AOAH: variants seen among roughly 807,000 people sequenced by gnomAD.
AOAH encodes acyloxyacyl hydrolase, also known as acyloxyacyl hydrolase (neutrophil).
AOAH carries 64 observed loss-of-function variants against 92.2 expected under a neutral mutation model. The ratio of observed to expected loss-of-function variants is 0.69; its 90% CI spans 0.57 to 0.86. AOAH has a LOEUF of 0.86. AOAH is among the 40% of genes least tolerant of loss of function. The probability of loss-of-function intolerance (pLI) is 0.00; values close to 1 mark genes in which losing one functional copy is unlikely to be tolerated. For missense variants in AOAH, 656 were observed against 694.6 expected, an observed-to-expected ratio of 0.94 and a Z score of 0.62; for synonymous variants, 263 against 254.5, an observed-to-expected ratio of 1.03 and a Z score of -0.32.
chr7:36,587,638 A>T (rs1350123945), intron 12 of AOAH, among the ~76,000 whole-genome samples: 2 of 152,208 alleles, frequency 1.3e-5, no homozygotes, highest in East Asian at 3.8e-4. Context: ...ATATAAAAAA[A>T]TCATTTTTGT....
chr7:36,595,146 T>G (rs2116816257), intron 11 of AOAH, among the ~76,000 whole-genome samples: 1 of 152,356 alleles, frequency 6.6e-6, no homozygotes, highest in African/African-American at 2.4e-5. Flanking sequence ...TATGAGTGAC[T>G]TCTGGGACTA....
intron 3 of AOAH, among the ~76,000 whole-genome samples, chr7:36,660,701 T>C (rs1314829133): frequency 1.3e-5 from 2 of 152,228 alleles, no homozygotes; most frequent in African/African-American, 2.4e-5. Context: ...ACAGTTCTTT[T>C]AAAACATTTA....
rs34744842 is a variant in AOAH at position 36,719,939 on chromosome 7, T to TA, written c.127+4082dup. Among the ~76,000 whole-genome samples, 696 of 143,948 alleles carry TA rather than the reference T, an allele frequency of 4.8e-3. 4 individuals are homozygous for TA. Among genetic ancestry groups the TA allele is most frequent in the African/African-American group, 0.014 (554 of 38,502 alleles). The allele number at this position is 143,948 out of a possible 152,430, so 94.4% of individuals were successfully genotyped here. ...TGATAGAGTAGGACTTTGTCTTTATTAAAAAAAAAAAAAAGATGAATCATT... is the reference window on the plus strand; with the variant it reads ...TGATAGAGTAGGACTTTGTCTTTATTAAAAAAAAAAAAAAAGATGAATCATT... On this transcript the variant is annotated intron_variant, in intron 1 of 20. Transcript: ENST00000617537.
chr7:36,559,721 T>C (rs1176006220), intron 13 of AOAH, among the ~76,000 whole-genome samples: 3 of 152,224 alleles, frequency 2.0e-5, no homozygotes, highest in African/African-American at 4.8e-5. Context: ...TTTCTTTTGC[T>C]GTCCAGAAGC....
chr7:36,587,599 T>C (rs1344900028), intron 12 of AOAH, among the ~76,000 whole-genome samples: 1 of 152,204 alleles, frequency 6.6e-6, no homozygotes, highest in Non-Finnish European at 1.5e-5. Flanking sequence ...TATGAAGATA[T>C]TCCAAATGTT....
intron 18 of AOAH, among the ~76,000 whole-genome samples, chr7:36,531,093 T>A (rs935848393): frequency 1.3e-5 from 2 of 152,296 alleles, no homozygotes; most frequent in East Asian, 3.9e-4. Context: ...GTTACAACAT[T>A]ATGGTGTGGA....
At chr7:36,532,385 A>G in intron 16 of AOAH, 41 bp from the exon 17 acceptor site, 1 of 1,601,958 alleles carries the variant, frequency 6.2e-7, no homozygotes. Context: ...TCCACTCGGC[A>G]ATAGCAGCAT....
intron 11 of AOAH, among the ~76,000 whole-genome samples, chr7:36,596,254 C>T (rs77900570): frequency 0.023 from 3,322 of 141,712 alleles, 71 homozygotes; most frequent in African/African-American, 0.062. Context: ...ACAGTTTATA[C>T]GTGAAATCTA....
At chr7:36,550,500 C>T (rs1786152005) in intron 13 of AOAH, among the ~76,000 whole-genome samples, 2 of 152,148 alleles carry the variant, frequency 1.3e-5, no homozygotes, top group African/African-American at 4.8e-5. Context: ...GAAACTGAGG[C>T]CCACCTAAGT....
At chr7:36,611,897 G>A (rs920686692) in intron 11 of AOAH, among the ~76,000 whole-genome samples, 1 of 152,186 alleles carries the variant, frequency 6.6e-6, no homozygotes, top group Admixed American at 6.5e-5. Context: ...TAAGCGGCTT[G>A]TTCAGGATTA....
intron 11 of AOAH, among the ~76,000 whole-genome samples, chr7:36,600,296 A>G (rs1790455535): frequency 6.6e-6 from 1 of 152,196 alleles, no homozygotes; most frequent in African/African-American, 2.4e-5. Context: ...AATAAAGAAC[A>G]AGTATTCACA....
chr7:36,671,083 C>T (rs188792024), intron 3 of AOAH, among the ~76,000 whole-genome samples: 1 of 152,154 alleles, frequency 6.6e-6, no homozygotes, highest in African/African-American at 2.4e-5. Context: ...TGATCTGGTT[C>T]CCTGATCTAG....
intron 6 of AOAH, among the ~76,000 whole-genome samples, chr7:36,631,765 G>A (rs1465608860): frequency 1.3e-5 from 2 of 152,178 alleles, no homozygotes; most frequent in Non-Finnish European, 2.9e-5. Flanking sequence ...GCAGGCACTT[G>A]CCGGCAGTGA....
intron 4 of AOAH, among the ~76,000 whole-genome samples, chr7:36,640,703 C>T (rs1231403346): frequency 6.6e-6 from 1 of 152,154 alleles, no homozygotes; most frequent in Non-Finnish European, 1.5e-5. Context: ...CTGCAGCTGC[C>T]TTTGCAGGTA....
At chr7:36,707,934 T>C (rs1486043618) in intron 1 of AOAH, among the ~76,000 whole-genome samples, 3 of 152,062 alleles carry the variant, frequency 2.0e-5, no homozygotes, top group African/African-American at 7.2e-5. Context: ...CTGGAGTAGC[T>C]GGTTACATAT....
chr7:36,513,301 G>A lies in AOAH; in HGVS notation c.1679C>T (p.Pro560Leu), dbSNP rs370724845. Residue 560 changes from proline to leucine, a missense_variant, in exon 21 of 21, where the codon CCG becomes CTG. Pro to Leu is a moderately conservative substitution (Grantham distance 98). Transcript: ENST00000617537. Reference protein sequence around the residue: ...QWPQILGKENPFNPQIKQVFG... With the variant: ...QWPQILGKENLFNPQIKQVFG... ...CACCTGTTTAATCTGGGGGTTGAAC[G>A]GATTCTCCTTTCCCAGGATTTGGGG... The A allele has an allele frequency of 5.2e-5, 84 of 1,614,028 alleles. No homozygotes were observed. The highest frequency in any genetic ancestry group is 4.8e-4 in the African/African-American group (36 of 74,918).
intron 19 of AOAH, among the ~76,000 whole-genome samples, chr7:36,529,707 T>C (rs552021670): frequency 6.6e-6 from 1 of 152,292 alleles, no homozygotes; most frequent in Non-Finnish European, 1.5e-5. Context: ...TTTGCTCTTG[T>C]ATAAAAATTG....
chr7:36,604,841 G>A (rs976010195), intron 11 of AOAH, among the ~76,000 whole-genome samples: 1 of 152,234 alleles, frequency 6.6e-6, no homozygotes, highest in Non-Finnish European at 1.5e-5. Context: ...CTGTTAAGAA[G>A]AGCTGATGCA....
chr7:36,723,060 T>A (rs1799747158), intron 1 of AOAH, among the ~76,000 whole-genome samples: 1 of 150,952 alleles, frequency 6.6e-6, no homozygotes, highest in East Asian at 2.0e-4. Flanking sequence ...CCATATTGTC[T>A]CCAGAAACAA....
Sources: gnomAD v4.1 joint callset for allele counts (sites outside exome capture counted in the v4.1 genomes callset) on GRCh38, gnomAD v4.1.1 for gene constraint, MANE v1.5 for transcripts, NCBI Gene and HGNC (gene_info 2026-07-23, HGNC 2026-07-21) for gene names.